The following GBP7 variants were observed in gnomAD, a reference collection of about 807,000 sequenced individuals.
GBP7 encodes the protein guanylate binding protein 7, also known as guanylate-binding protein 7.
GBP7 carries 43 observed loss-of-function variants against 61.3 expected under a neutral mutation model. The observed-to-expected ratio is 0.70, with a 90% CI of 0.55 to 0.91. The LOEUF is 0.91. Among genes scored for constraint, GBP7 ranks in the 40% least tolerant of loss-of-function variants. GBP7 has a pLI of 0.00. For missense variants in GBP7, 717 were observed against 740.5 expected, an observed-to-expected ratio of 0.97 and a Z score of 0.37; for synonymous variants, 267 against 271.0, an observed-to-expected ratio of 0.99 and a Z score of 0.14.
intron 3 of GBP7, among the ~76,000 whole-genome samples, chr1:89,158,192 G>C (rs1195561059): frequency 2.0e-5 from 3 of 152,084 alleles, no homozygotes; most frequent in Non-Finnish European, 4.4e-5. Flanking sequence ...AATAAACTAG[G>C]TGTTGATGGG....
chr1:89,144,005 G>A (rs192032197), intron 8 of GBP7, among the ~76,000 whole-genome samples: 3 of 152,210 alleles, frequency 2.0e-5, no homozygotes, highest in African/African-American at 7.2e-5. Flanking sequence ...CCCAAAGGTC[G>A]TTTTTCAACC....
chr1:89,146,598 C>G (rs752724443), intron 8 of GBP7, among the ~76,000 whole-genome samples: 2 of 151,926 alleles, frequency 1.3e-5, no homozygotes, highest in African/African-American at 2.4e-5. Flanking sequence ...AAACAAAATA[C>G]AACAAAACTG....
chr1:89,171,948 C>G lies in GBP7; in HGVS notation c.-13G>C, dbSNP rs546595285. The G allele has an allele frequency of 4.9e-5, 78 of 1,603,258 alleles. 2 individuals are homozygous for G. The South Asian group carries it at 7.5e-4, about 15-fold the overall frequency. On this transcript the variant is annotated 5_prime_UTR_variant, in exon 2 of 11. Transcript: ENST00000294671. ...TCTCTGATGCCATGTTCAGGGCGTT[C>G]CTCTGTCTGCAAGGAAAAAATGAAA...
intron 3 of GBP7, among the ~76,000 whole-genome samples, chr1:89,159,768 C>G (rs1387964026): frequency 6.6e-6 from 1 of 152,036 alleles, no homozygotes; most frequent in African/African-American, 2.4e-5. Context: ...TTGGTGGGAC[C>G]GTAATCTAGT....
intron 9 of GBP7, among the ~76,000 whole-genome samples, chr1:89,133,765 C>T (rs1433488289): frequency 6.6e-6 from 1 of 152,172 alleles, no homozygotes; most frequent in Non-Finnish European, 1.5e-5. Context: ...CCACTCTTGC[C>T]ATGGACCTCT....
intron 9 of GBP7, among the ~76,000 whole-genome samples, chr1:89,140,545 AT>A (rs200029783): frequency 0.019 from 2,937 of 152,264 alleles, 85 homozygotes; most frequent in African/African-American, 0.067. Context: ...AAGTAAAAAA[AT>A]AACAGATGCT....
chr1:89,141,476 T>A, intron 9 of GBP7, 70 bp downstream of exon 9: 1 of 1,371,808 alleles, frequency 7.3e-7, no homozygotes, highest in South Asian at 1.2e-5. Context: ...GAAAATCCTT[T>A]TTTCTGAACA....
chr1:89,149,544 C>T lies in GBP7; in HGVS notation c.900G>A (p.Leu300=). The T allele has an allele frequency of 6.2e-7, 1 of 1,613,812 alleles. No individual in the cohort carries two copies. The highest frequency in any genetic ancestry group is 8.5e-7 in the Non-Finnish European group (1 of 1,179,770). ...NRLGMLVETY[L]DAINSGATPC... is the part of the protein sequence containing the mutation. ...GAGTCGCTCCACTGTTGATGGCATC[C>T]AGGTAGGTCTCCACCAGCATCCCCA... The change falls in exon 7 of 11, where the codon CTG becomes CTA. Residue 300 remains leucine (L), a synonymous_variant. Transcript: ENST00000294671.
chr1:89,171,969 T>A lies in GBP7; in HGVS notation c.-19-15A>T. On this transcript the variant is annotated splice_polypyrimidine_tract_variant and intron_variant, in intron 1 of 10. Coordinates refer to ENST00000294671, the MANE Select transcript of GBP7 (RefSeq NM_207398.3). ...CGTTCCTCTGTCTGCAAGGAAAAAA[T>A]GAAATGGAAAGTAATGTCTGGTAAG... The A allele has an allele frequency of 6.4e-7, 1 of 1,574,468 alleles. No individual in the cohort carries two copies.
chr1:89,171,629 AG>A, intron 2 of GBP7, 116 bp downstream of exon 2: 1 of 849,056 alleles, frequency 1.2e-6, no homozygotes, highest in Non-Finnish European at 1.8e-6. Flanking sequence ...ATGAATTCAA[AG>A]TTAGCTATCA....
rs902611019 is a variant in GBP7 at position 89,159,402 on chromosome 1, A to T, written c.318+5329T>A. Reference sequence around the variant, plus strand: ...AAAGAGCTTCTGCACAGCAAAAGAAAGTACCATCAGAGTGAACAGGCAACC... The same window carrying T: ...AAAGAGCTTCTGCACAGCAAAAGAATGTACCATCAGAGTGAACAGGCAACC... On this transcript the variant is annotated intron_variant, in intron 3 of 10. Coordinates refer to ENST00000294671, the MANE Select transcript of GBP7 (RefSeq NM_207398.3). Among the ~76,000 whole-genome samples the T allele has an allele frequency of 5.3e-5, 8 of 152,366 alleles. No individual in the cohort carries two copies. The South Asian group carries it at 1.7e-3, about 32-fold the overall frequency.
At chr1:89,139,128 A>C (rs151139204) in intron 9 of GBP7, among the ~76,000 whole-genome samples, 23 of 152,266 alleles carry the variant, frequency 1.5e-4, no homozygotes, top group Non-Finnish European at 1.3e-4. Flanking sequence ...CAGAGCCCTC[A>C]GAAATAATGC....
intron 2 of GBP7, among the ~76,000 whole-genome samples, 189 bp downstream of exon 2, chr1:89,171,557 A>T (rs546756251): frequency 1.3e-5 from 2 of 151,692 alleles, no homozygotes; most frequent in Admixed American, 6.6e-5. Context: ...TGTGAAAATA[A>T]AGGCAAAGTG....
At chr1:89,137,026 C>T (rs112888388) in intron 9 of GBP7, among the ~76,000 whole-genome samples, 1 of 151,998 alleles carries the variant, frequency 6.6e-6, no homozygotes, top group Non-Finnish European at 1.5e-5. Context: ...ATTATGAACA[C>T]CACTATGCAC....
At chr1:89,161,279 G>A (rs2100655749) in intron 3 of GBP7, among the ~76,000 whole-genome samples, 1 of 152,172 alleles carries the variant, frequency 6.6e-6, no homozygotes, top group African/African-American at 2.4e-5. Flanking sequence ...AGTCCTTTGG[G>A]TACATACCCA....
intron 9 of GBP7, among the ~76,000 whole-genome samples, chr1:89,136,789 C>A (rs1358796601): frequency 6.6e-6 from 1 of 151,776 alleles, no homozygotes; most frequent in Non-Finnish European, 1.5e-5. Context: ...CTAGCTGAGA[C>A]AAGAAATAAC....
At chr1:89,141,486 A>G in intron 9 of GBP7, 60 bp downstream of exon 9, 1 of 1,442,782 alleles carries the variant, frequency 6.9e-7, no homozygotes, top group Middle Eastern at 2.1e-4. Flanking sequence ...TTTTCTGAAC[A>G]TCAAGAGAGT....
intron 2 of GBP7, among the ~76,000 whole-genome samples, chr1:89,166,065 A>AT (rs928738097): frequency 6.6e-6 from 1 of 152,192 alleles, no homozygotes; most frequent in Admixed American, 6.5e-5. Context: ...TCTACGAGAA[A>AT]TAAGTTTTTA....
chr1:89,142,314 A>G, intron 8 of GBP7, among the ~76,000 whole-genome samples: 1 of 152,148 alleles, frequency 6.6e-6, no homozygotes, highest in Non-Finnish European at 1.5e-5. Context: ...CACAAGTTCA[A>G]TGGTATTATC....
Sources: gnomAD v4.1 joint callset for allele counts (sites outside exome capture counted in the v4.1 genomes callset) on GRCh38, gnomAD v4.1.1 for gene constraint, MANE v1.5 for transcripts, NCBI Gene and HGNC (gene_info 2026-07-23, HGNC 2026-07-21) for gene names.